Variants in KLKB1 observed in about 807,000 individuals in gnomAD.
KLKB1 encodes kallikrein B1.
In KLKB1, 58 loss-of-function variants were observed where a neutral mutation model predicts 73.6. The ratio of observed to expected loss-of-function variants is 0.79; its 90% confidence interval spans 0.64 to 0.98. The LOEUF (loss-of-function observed/expected upper bound fraction) is 0.98, where lower values mean the gene tolerates loss of function less well. Among genes scored for constraint, KLKB1 ranks in the 50% least tolerant of loss-of-function variants. KLKB1 has a pLI of 0.00. For missense variants in KLKB1, 737 were observed against 763.8 expected (o/e 0.96, Z 0.41); for synonymous variants, 280 against 258.1 (o/e 1.08, Z -0.81).
At chr4:186,245,633 A>T (rs1738289188) in intron 6 of KLKB1, among the ~76,000 whole-genome samples, 2 of 151,934 alleles carry the variant, frequency 1.3e-5, no homozygotes, top group South Asian at 4.2e-4. Context: ...AGGCATTTTG[A>T]AGTTTTTGTG....
intron 6 of KLKB1, among the ~76,000 whole-genome samples, chr4:186,241,970 G>T (rs1364089150): frequency 6.6e-6 from 1 of 152,224 alleles, no homozygotes; most frequent in African/African-American, 2.4e-5. Flanking sequence ...ATGTGCGTCC[G>T]TGTGAAGAGA....
intron 6 of KLKB1, among the ~76,000 whole-genome samples, chr4:186,247,787 G>T (rs1418239636): frequency 6.6e-6 from 1 of 152,020 alleles, no homozygotes; most frequent in Non-Finnish European, 1.5e-5. Flanking sequence ...ATTTAATATG[G>T]CATATATTGT....
chr4:186,251,142 G>C, intron 7 of KLKB1, 77 bp from the exon 8 acceptor site: 1 of 929,462 alleles, frequency 1.1e-6, no homozygotes, highest in Non-Finnish European at 1.7e-6. Context: ...TTTTGGGTGT[G>C]AGCTGCTTTT....
At chr4:186,237,575 C>G (rs909331506) in intron 5 of KLKB1, among the ~76,000 whole-genome samples, 9 of 152,170 alleles carry the variant, frequency 5.9e-5, no homozygotes, top group African/African-American at 2.2e-4. Context: ...TCTGAGCATT[C>G]TCTTTTAAGT....
upstream of KLKB1, among the ~76,000 whole-genome samples, chr4:186,223,706 T>C (rs1433319135): frequency 6.6e-6 from 1 of 152,156 alleles, no homozygotes; most frequent in Non-Finnish European, 1.5e-5. Context: ...GGAACTTATG[T>C]TTAAAAGGGA....
At chr4:186,228,359 G>A in intron 2 of KLKB1, 106 bp downstream of exon 2, 2 of 736,232 alleles carry the variant, frequency 2.7e-6, no homozygotes, top group Non-Finnish European at 5.0e-6. Context: ...TTCGGGGGTG[G>A]AGATTGTCCC....
At chr4:186,215,245 T>TAAA (rs200208661) in intron 2 of KLKB1, among the ~76,000 whole-genome samples, 24 of 141,102 alleles carry the variant, frequency 1.7e-4, no homozygotes, top group African/African-American at 5.7e-4. Context: ...AGCTGAATAG[T>TAAA]AAAAAAAAAA....
At position 186,258,236 on chromosome 4, in the gene KLKB1, T is replaced by A; in HGVS notation, c.*24T>A. ...GAGAAGCAGTCCAGAGTCTAGGCAA[T>A]TTTTACAACCTGAGTTCAAGTCAAA... On this transcript the variant is annotated 3_prime_UTR_variant, in exon 15 of 15. Transcript: ENST00000264690. The A allele has an allele frequency of 6.2e-7, 1 of 1,603,810 alleles. No individual in the cohort carries two copies. The highest frequency in any genetic ancestry group is 2.2e-5 in the East Asian group (1 of 44,672).
intron 2 of KLKB1, among the ~76,000 whole-genome samples, chr4:186,218,704 T>G (rs567669145): frequency 1.8e-4 from 28 of 152,234 alleles, no homozygotes; most frequent in African/African-American, 6.0e-4. Context: ...GTGAAGTTCA[T>G]GTATACGATA....
At chr4:186,231,369 G>A (rs901435089) in intron 2 of KLKB1, among the ~76,000 whole-genome samples, 16 of 152,178 alleles carry the variant, frequency 1.1e-4, no homozygotes, top group Non-Finnish European at 2.4e-4. Context: ...TAAAGACACC[G>A]AATTCTCTAA....
chr4:186,211,366 C>T lies in KLKB1; in HGVS notation c.201+2094C>T, dbSNP rs10033577. 0.89 allele frequency: 135,304 copies of T among 151,890 alleles called. 60,308 individuals carry two copies. Among genetic ancestry groups the T allele is most frequent in the East Asian group, 0.93 (4,774 of 5,134 alleles). 9.4% of individuals were successfully genotyped at this position (151,890 alleles called of 1,614,324 possible). On this transcript the variant is annotated intron_variant, in intron 2 of 14. Coordinates refer to the KLKB1 transcript ENST00000511608. ...TCTTGCTCTGTCGCCCAGGCTGGAA[C>T]GCAGTGGTGACATCTCGGCTCACTG...
In KLKB1 at chr4:186,252,177, C is replaced by T; in HGVS notation, c.1305C>T (p.Cys435=). 2 of 1,613,642 alleles carry T rather than the reference C, an allele frequency of 1.2e-6. No homozygotes were observed. Among genetic ancestry groups the T allele is most frequent in the Non-Finnish European group, 1.7e-6 (2 of 1,179,972 alleles). The stretch of plus-strand genomic sequence containing the variant: ...AGTGGGTCCTCACTGCTGCCCACTG[C>T]TTTGATGGGTAAGTGTTGGATGCAT... The part of the protein sequence containing the change: ...GHQWVLTAAH[C]FDGLPLQDVW... Residue 435 remains cysteine, a synonymous_variant, in exon 11 of 15, where the codon TGC becomes TGT. Coordinates refer to ENST00000264690, the MANE Select transcript of KLKB1 (RefSeq NM_000892.5).
At chr4:186,240,237 T>C (rs1182752784) in intron 6 of KLKB1, among the ~76,000 whole-genome samples, 1 of 152,072 alleles carries the variant, frequency 6.6e-6, no homozygotes, top group East Asian at 1.9e-4. Flanking sequence ...GTTATAGTTA[T>C]AGGACAGTGA....
intron 6 of KLKB1, among the ~76,000 whole-genome samples, chr4:186,243,772 G>A (rs1738181227): frequency 6.6e-6 from 1 of 152,180 alleles, no homozygotes; most frequent in Admixed American, 6.5e-5. Flanking sequence ...CTGAGTTAAG[G>A]CAATGAGTTC....
At chr4:186,251,696 T>C (rs758430031) in intron 9 of KLKB1, 47 bp downstream of exon 9, 52 of 1,606,780 alleles carry the variant, frequency 3.2e-5, no homozygotes, top group Non-Finnish European at 4.3e-5. Flanking sequence ...GACCATTTCA[T>C]ATTCTCTTTC....
chr4:186,235,904 A>G (rs1737642030), intron 4 of KLKB1, among the ~76,000 whole-genome samples: 1 of 151,896 alleles, frequency 6.6e-6, no homozygotes. Context: ...TCACGAGGTC[A>G]GGAGATCGAG....
In KLKB1 at chr4:186,252,147, A is replaced by T. The variant is rs763714709; in HGVS notation, c.1275A>T (p.Gly425=). ...QRHLCGGSLI[G]HQWVLTAAHC... is the part of the protein sequence containing the mutation. ...ACCTGTGTGGAGGGTCACTCATAGG[A>T]CACCAGTGGGTCCTCACTGCTGCCC... The change falls in exon 11 of 15, where the codon GGA becomes GGT. Residue 425 remains glycine (G), a synonymous_variant. Transcript: ENST00000264690. 6.2e-7 allele frequency: 1 copy of T among 1,613,916 alleles called. No homozygotes were observed. Among genetic ancestry groups the T allele is most frequent in the Non-Finnish European group, 8.5e-7 (1 of 1,180,024 alleles).
intron 6 of KLKB1, among the ~76,000 whole-genome samples, chr4:186,243,080 T>A (rs1426759354): frequency 6.6e-6 from 1 of 152,124 alleles, no homozygotes; most frequent in Non-Finnish European, 1.5e-5. Context: ...TATTTTAGTT[T>A]CCTGACTCCG....
At position 186,250,435 on chromosome 4, in the gene KLKB1, C is replaced by T. The variant is rs776976008; in HGVS notation, c.758+33C>T. ...TGCATGGAAAATCGCATCACAAAGGCGAGTATGCATGGGGAGCACTTGCTG... is the reference window on the plus strand; with the variant it reads ...TGCATGGAAAATCGCATCACAAAGGTGAGTATGCATGGGGAGCACTTGCTG... On this transcript the variant is annotated intron_variant, in intron 7 of 14. Transcript: ENST00000264690. 9.9e-6 allele frequency: 16 copies of T among 1,608,568 alleles called. No individual in the cohort carries two copies. The Admixed American group carries it at 1.0e-4, about 10-fold the overall frequency.
Sources: allele counts gnomAD v4.1 joint callset (sites outside exome capture counted in the v4.1 genomes callset), GRCh38; gene constraint gnomAD v4.1.1; transcripts MANE v1.5; gene names NCBI Gene and HGNC (gene_info 2026-07-23, HGNC 2026-07-21).